Variants in INPP4B observed in about 807,000 individuals in gnomAD.
INPP4B encodes inositol polyphosphate 4-phosphatase type II.
Under a neutral mutation model 122.5 loss-of-function variants are expected in INPP4B, and 55 were observed. The observed-to-expected ratio is 0.45, with a 90% confidence interval of 0.36 to 0.56. The LOEUF (loss-of-function observed/expected upper bound fraction) is 0.56. INPP4B is among the 20% of genes least tolerant of loss of function. The pLI is 0.00. For synonymous variants in INPP4B, 403 were observed against 388.7 expected (o/e 1.04, Z -0.43); for missense variants, 1,000 against 1,097.7 (o/e 0.91, Z 1.26).
intron 2 of INPP4B, among the ~76,000 whole-genome samples, chr4:142,638,766 T>A (rs1749729075): frequency 6.6e-6 from 1 of 152,066 alleles, no homozygotes; most frequent in Admixed American, 6.6e-5. Flanking sequence ...CAGGATGGTC[T>A]CGATCTCCTG....
rs1578660628 is a variant in INPP4B, at chr4:142,030,397, A to G, written c.2643-1483T>C. The G allele has an allele frequency of 7.0e-6, 7 of 995,310 alleles. No homozygotes were observed. The East Asian group carries it at 1.6e-4, about 22-fold the overall frequency. The allele number at this position is 995,310 out of a possible 1,614,324, so 61.7% of individuals were successfully genotyped here. On this transcript the variant is annotated intron_variant, in intron 25 of 25. Transcript: ENST00000262992. ...CCTTAAATATTCTGAAATACAATGC[A>G]TTATCTTACATAACACAACTCTTTC... is the stretch of plus-strand genomic sequence containing the variant.
chr4:142,294,822 TCC>T (rs1757881628), intron 9 of INPP4B, among the ~76,000 whole-genome samples: 1 of 26,176 alleles, frequency 3.8e-5, no homozygotes, highest in Non-Finnish European at 9.9e-5. Flanking sequence ...AGAGCGAGAC[TCC>T]GTCTCAAAAA....
intron 7 of INPP4B, among the ~76,000 whole-genome samples, chr4:142,356,131 A>G (rs1178463874): frequency 1.3e-5 from 2 of 151,284 alleles, no homozygotes; most frequent in African/African-American, 4.9e-5. Flanking sequence ...GGTACAAATT[A>G]CAATACAAGT....
chr4:142,654,587 A>T (rs13125853), intron 2 of INPP4B: 1 of 151,832 alleles, frequency 6.6e-6, no homozygotes, highest in Non-Finnish European at 1.5e-5. Context: ...GCTTGATTAC[A>T]TTTTTCTTGT....
intron 24 of INPP4B, among the ~76,000 whole-genome samples, chr4:142,083,086 A>G (rs1774899744): frequency 6.7e-6 from 1 of 150,094 alleles, no homozygotes; most frequent in African/African-American, 2.5e-5. Flanking sequence ...TGGGCAACAG[A>G]GTGACACCCT....
At chr4:142,248,299 CCT>C (rs1157459124) in intron 11 of INPP4B, among the ~76,000 whole-genome samples, 1 of 151,470 alleles carries the variant, frequency 6.6e-6, no homozygotes, top group Non-Finnish European at 1.5e-5. Context: ...CCCTCCTTTC[CCT>C]CTCTCTGTCT....
At chr4:142,770,398 C>T (rs1360489861) in intron 1 of INPP4B, among the ~76,000 whole-genome samples, 1 of 152,138 alleles carries the variant, frequency 6.6e-6, no homozygotes, top group Non-Finnish European at 1.5e-5. Context: ...AAGCCAGTCT[C>T]TCAGCTTATA....
intron 3 of INPP4B, among the ~76,000 whole-genome samples, chr4:142,451,901 CTCTG>C (rs1442241370): frequency 6.6e-6 from 1 of 152,242 alleles, no homozygotes; most frequent in African/African-American, 2.4e-5. Context: ...GAAGGGGGTG[CTCTG>C]TCTATCTCTG....
chr4:142,084,366 G>A (rs532367536), intron 24 of INPP4B, among the ~76,000 whole-genome samples: 44 of 152,060 alleles, frequency 2.9e-4, no homozygotes, highest in African/African-American at 9.4e-4. Flanking sequence ...TGATCCGCCC[G>A]CCTCGGCCCC....
At chr4:142,845,974 G>C (rs892126746) in intron 1 of INPP4B, among the ~76,000 whole-genome samples, 4 of 151,922 alleles carry the variant, frequency 2.6e-5, no homozygotes, top group Non-Finnish European at 5.9e-5. Context: ...GCGGTGACAG[G>C]GGTACCCCAG....
intron 2 of INPP4B, among the ~76,000 whole-genome samples, chr4:142,526,451 G>A (rs1470019447): frequency 6.6e-6 from 1 of 152,024 alleles, no homozygotes; most frequent in Non-Finnish European, 1.5e-5. Flanking sequence ...TAACCTGTCA[G>A]AGACCAGACC....
At chr4:142,538,003 A>C (rs2150017905) in intron 2 of INPP4B, among the ~76,000 whole-genome samples, 1 of 152,230 alleles carries the variant, frequency 6.6e-6, no homozygotes, top group Non-Finnish European at 1.5e-5. Flanking sequence ...CCTTAACTTT[A>C]AAAAGTGTTG....
intron 16 of INPP4B, among the ~76,000 whole-genome samples, chr4:142,169,620 A>G (rs933616922): frequency 6.6e-6 from 1 of 151,710 alleles, no homozygotes; most frequent in Admixed American, 6.6e-5. Flanking sequence ...ATTTTGGTAT[A>G]GTATATTGAG....
At position 142,711,836 on chromosome 4, in the gene INPP4B, C is replaced by A. The variant is rs879631373; in HGVS notation, c.-191+14003G>T. Among the ~76,000 whole-genome samples, 31 of 152,024 alleles carry A rather than the reference C, an allele frequency of 2.0e-4. 1 individual carries two copies. The highest frequency in any genetic ancestry group is 2.9e-5 in the Non-Finnish European group (2 of 67,998). ...GCTGAGGCAGGCAGATCACTTGAGG[C>A]CAGGAGTTCGAGACCAGCCTGGCCA... On this transcript the variant is annotated intron_variant, in intron 2 of 25. Transcript: ENST00000262992.
intron 3 of INPP4B, among the ~76,000 whole-genome samples, chr4:142,451,932 T>C (rs915966813): frequency 2.0e-5 from 3 of 152,150 alleles, no homozygotes; most frequent in Admixed American, 1.3e-4. Context: ...GGCACCCTTT[T>C]TTGGGTACAT....
At chr4:142,702,274 G>C (rs7685086) in intron 2 of INPP4B, among the ~76,000 whole-genome samples, 1 of 152,064 alleles carries the variant, frequency 6.6e-6, no homozygotes, top group Non-Finnish European at 1.5e-5. Context: ...GGGTAAAGTT[G>C]ATTTCTTGTG....
At chr4:142,173,938 A>G in intron 15 of INPP4B, 129 bp from the exon 16 acceptor site, 2 of 774,588 alleles carry the variant, frequency 2.6e-6, no homozygotes, top group Non-Finnish European at 4.2e-6. Flanking sequence ...CTGTCCTAAG[A>G]GATTTTTAAT....
chr4:142,800,552 GAGATTT>G (rs1277060596), intron 1 of INPP4B, among the ~76,000 whole-genome samples: 2 of 152,162 alleles, frequency 1.3e-5, no homozygotes, highest in Non-Finnish European at 2.9e-5. Flanking sequence ...GAATTTTCAT[GAGATTT>G]ATATACAGAT....
intron 12 of INPP4B, among the ~76,000 whole-genome samples, chr4:142,220,314 G>A (rs958998890): frequency 5.3e-5 from 8 of 152,134 alleles, no homozygotes; most frequent in African/African-American, 1.2e-4. Context: ...CAACAGAGCC[G>A]GTTGAAATAT....
Sources: gnomAD v4.1 joint callset for allele counts (sites outside exome capture counted in the v4.1 genomes callset) on GRCh38, gnomAD v4.1.1 for gene constraint, MANE v1.5 for transcripts, NCBI Gene and HGNC (gene_info 2026-07-23, HGNC 2026-07-21) for gene names.